RIMS2: variants seen among roughly 807,000 people sequenced by gnomAD.
RIMS2 encodes regulating synaptic membrane exocytosis 2, also known as regulating synaptic membrane exocytosis protein 2.
RIMS2 carries 59 observed loss-of-function variants against 174.4 expected under a neutral mutation model. The ratio of observed to expected loss-of-function variants is 0.34; its 90% CI spans 0.27 to 0.42. The LOEUF (loss-of-function observed/expected upper bound fraction) is 0.42. RIMS2 is among the 10% of genes least tolerant of loss of function. RIMS2 has a pLI of 1.00. For missense variants in RIMS2, 1,620 were observed against 1,666.3 expected (o/e 0.97, Z 0.48); for synonymous variants, 606 against 572.5 (o/e 1.06, Z -0.84).
intron 9 of RIMS2, chr8:103,920,825 T>TA (rs61400627): frequency 0.041 from 11,344 of 278,340 alleles, 87 homozygotes; most frequent in African/African-American, 0.07. Flanking sequence ...CCGTCTCTAC[T>TA]AAAAAAAAAA....
Position 104,251,608 on chromosome 8 carries a change from G to A in RIMS2, c.3838G>A (p.Val1280Ile), listed in dbSNP as rs774140573. The A allele has an allele frequency of 2.8e-5, 45 of 1,587,066 alleles. No homozygotes were observed. The highest frequency in any genetic ancestry group is 5.4e-5 in the African/African-American group (4 of 74,284). Residue 1280 changes from valine (V) to isoleucine (I), a missense_variant, in exon 24 of 24, where the codon GTC (valine) becomes ATC (isoleucine). Transcript: ENST00000504942. ...CTTTTTATTTTGCCAACAGATCATC[G>A]TCTGGGGAGATTATGGCCGCATGGA...
At chr8:103,538,763 T>C (rs1015909478) in intron 1 of RIMS2, among the ~76,000 whole-genome samples, 1 of 152,320 alleles carries the variant, frequency 6.6e-6, no homozygotes. Flanking sequence ...CGCCTTGGCC[T>C]CCCAAAGTGC....
chr8:103,615,550 A>T (rs1331578466), intron 1 of RIMS2, among the ~76,000 whole-genome samples: 1 of 149,758 alleles, frequency 6.7e-6, no homozygotes, highest in Non-Finnish European at 1.5e-5. Context: ...GAGGAAGAAA[A>T]GCAAGAGACA....
intron 1 of RIMS2, among the ~76,000 whole-genome samples, chr8:103,622,007 A>T (rs1485700483): frequency 6.6e-6 from 1 of 152,196 alleles, no homozygotes. Context: ...ATAATCCAAA[A>T]ATATTGTGAT....
chr8:103,939,185 G>T (rs747034372), intron 13 of RIMS2, among the ~76,000 whole-genome samples: 15 of 152,218 alleles, frequency 9.9e-5, no homozygotes, highest in Non-Finnish European at 1.9e-4. Context: ...CCTAGCAGAG[G>T]TTCTCCATGA....
At chr8:104,251,579 T>A (rs377480942) in intron 23 of RIMS2, 23 bp from the exon 30 acceptor site, 16 of 1,296,576 alleles carry the variant, frequency 1.2e-5, no homozygotes, top group Middle Eastern at 3.7e-4. Context: ...CTGACATCAC[T>A]CTACTTTTTA....
At chr8:103,609,310 T>C (rs1440640037) in intron 1 of RIMS2, among the ~76,000 whole-genome samples, 1 of 152,258 alleles carries the variant, frequency 6.6e-6, no homozygotes, top group Admixed American at 6.5e-5. Flanking sequence ...GTAGGTTGTC[T>C]GTTCACTTTG....
chr8:103,766,347 C>A, exon 3 of RIMS2: 1 of 1,613,578 alleles, frequency 6.2e-7, no homozygotes. Context: ...TCTTCGAGGG[C>A]TAAGAAATGA....
chr8:104,173,613 A>ATTTTTTTTTTTTTTTTTTTTTTT (rs71297262), intron 19 of RIMS2, among the ~76,000 whole-genome samples: 2 of 54,236 alleles, frequency 3.7e-5, no homozygotes, highest in East Asian at 6.4e-4. Context: ...AGCTCTTCTG[A>ATTTTTTTTTTTTTTTTTTTTTTT]TTTTTTTTTT....
chr8:103,812,470 C>A (rs1045287321), intron 3 of RIMS2, among the ~76,000 whole-genome samples: 5 of 152,096 alleles, frequency 3.3e-5, no homozygotes, highest in South Asian at 2.1e-4. Context: ...ATACCTCCGC[C>A]TCTTGGGTTC....
intron 3 of RIMS2, among the ~76,000 whole-genome samples, chr8:103,862,116 A>C (rs1358803264): frequency 1.3e-5 from 2 of 152,052 alleles, no homozygotes; most frequent in Non-Finnish European, 2.9e-5. Context: ...CAGGTCTTAC[A>C]TGTAATTATT....
At chr8:104,190,897 C>T (rs766672198) in intron 19 of RIMS2, among the ~76,000 whole-genome samples, 1 of 151,294 alleles carries the variant, frequency 6.6e-6, no homozygotes, top group African/African-American at 2.4e-5. Context: ...TCACTTTAAG[C>T]ATTTGAAGAA....
At chr8:104,006,476 G>A (rs1422547642) in intron 17 of RIMS2, among the ~76,000 whole-genome samples, 4 of 152,190 alleles carry the variant, frequency 2.6e-5, no homozygotes, top group Non-Finnish European at 5.9e-5. Flanking sequence ...CTTGAACCTG[G>A]GAGGTGGAGG....
intron 1 of RIMS2, among the ~76,000 whole-genome samples, chr8:103,642,755 C>A (rs1053190025): frequency 2.0e-5 from 3 of 151,484 alleles, no homozygotes; most frequent in African/African-American, 7.3e-5. Context: ...CTACCTTTTT[C>A]TTTTTTTTAT....
At chr8:103,609,100 T>G (rs1419013065) in intron 1 of RIMS2, among the ~76,000 whole-genome samples, 1 of 152,232 alleles carries the variant, frequency 6.6e-6, no homozygotes, top group Non-Finnish European at 1.5e-5. Context: ...GTTTTTCTAA[T>G]GATTAGTGAT....
intron 19 of RIMS2, among the ~76,000 whole-genome samples, chr8:104,192,849 A>T (rs1480147483): frequency 1.3e-5 from 2 of 152,164 alleles, no homozygotes; most frequent in African/African-American, 4.8e-5. Context: ...AGCAGTGAAC[A>T]AGACAGACAC....
chr8:104,130,709 A>G (rs1046053085), intron 19 of RIMS2, among the ~76,000 whole-genome samples: 2 of 152,168 alleles, frequency 1.3e-5, no homozygotes, highest in African/African-American at 4.8e-5. Flanking sequence ...TTTTCTGTAT[A>G]TACAGTTGGC....
chr8:103,502,521 T>G (rs1229825489), intron 1 of RIMS2, among the ~76,000 whole-genome samples: 1 of 152,144 alleles, frequency 6.6e-6, no homozygotes, highest in African/African-American at 2.4e-5. Flanking sequence ...GAATGTTATT[T>G]ATTAACAGCC....
At chr8:104,221,811 A>G (rs1400924923) in intron 19 of RIMS2, among the ~76,000 whole-genome samples, 1 of 152,214 alleles carries the variant, frequency 6.6e-6, no homozygotes, top group African/African-American at 2.4e-5. Context: ...TACCTTCTAA[A>G]TTGTGATGTG....
Sources: gnomAD v4.1 joint callset for allele counts (sites outside exome capture counted in the v4.1 genomes callset) on GRCh38, gnomAD v4.1.1 for gene constraint, MANE v1.5 for transcripts, NCBI Gene and HGNC (gene_info 2026-07-23, HGNC 2026-07-21) for gene names.